LTBP1: variants seen among roughly 807,000 people sequenced by gnomAD.
LTBP1 encodes the protein latent-transforming growth factor beta-binding protein 1.
Under a neutral mutation model 207.6 loss-of-function variants are expected in LTBP1, and 129 were observed. The observed-to-expected ratio is 0.62, with a 90% CI of 0.54 to 0.72. LTBP1 has a LOEUF of 0.72. Ranked by LOEUF, LTBP1 falls within the 30% of genes least tolerant of loss-of-function variation. The pLI is 0.00. For synonymous variants in LTBP1, 963 were observed against 833.7 expected, an observed-to-expected ratio of 1.16 and a Z score of -2.67; for missense variants, 2,281 against 2,217.2, an observed-to-expected ratio of 1.03 and a Z score of -0.58.
At chr2:33,149,375 C>T (rs2083334844) in intron 5 of LTBP1, among the ~76,000 whole-genome samples, 1 of 151,924 alleles carries the variant, frequency 6.6e-6, no homozygotes, top group African/African-American at 2.4e-5. Context: ...TATCAGACAA[C>T]ATCTTAGACC....
chr2:33,179,453 C>CT (rs1029164879), intron 5 of LTBP1, among the ~76,000 whole-genome samples: 88 of 147,930 alleles, frequency 5.9e-4, no homozygotes, highest in Middle Eastern at 7.2e-3. Flanking sequence ...TGCATATATT[C>CT]TTAAAAAAAA....
Position 33,252,299 on chromosome 2 carries a change from A to G in LTBP1, c.2000-378A>G, listed in dbSNP as rs1259530267. On this transcript the variant is annotated intron_variant, in intron 10 of 33. Transcript: ENST00000404816. ...GATTATTCACTAAATGCTGCCCTAG[A>G]GTTATCTCTACTGTGGTTAAATATA... is the stretch of plus-strand genomic sequence containing the variant. 2.0e-5 allele frequency among the ~76,000 whole-genome samples: 3 copies of G among 152,178 alleles called. No homozygotes were observed. In the East Asian group the frequency reaches 5.8e-4, roughly 29 times the overall value.
chr2:33,047,686 C>T (rs549664489), intron 3 of LTBP1, among the ~76,000 whole-genome samples: 3 of 152,240 alleles, frequency 2.0e-5, no homozygotes, highest in South Asian at 2.1e-4. Flanking sequence ...TTTTCTGTCT[C>T]GTTGATCTGA....
At chr2:33,067,429 G>A (rs1167986246) in intron 3 of LTBP1, among the ~76,000 whole-genome samples, 1 of 152,132 alleles carries the variant, frequency 6.6e-6, no homozygotes, top group Non-Finnish European at 1.5e-5. Context: ...AATAAGAAAT[G>A]AGATCTCTGT....
At chr2:33,391,293 T>C (rs1026319782) in intron 32 of LTBP1, among the ~76,000 whole-genome samples, 2 of 129,448 alleles carry the variant, frequency 1.5e-5, no homozygotes, top group Non-Finnish European at 3.2e-5. Context: ...CCTAACACCA[T>C]AGATGAACAA....
intron 3 of LTBP1, among the ~76,000 whole-genome samples, chr2:33,064,376 A>G (rs1047922629): frequency 6.6e-6 from 1 of 152,204 alleles, no homozygotes; most frequent in African/African-American, 2.4e-5. Context: ...AGCCTCCCAC[A>G]GTTTCATGGA....
At chr2:33,013,280 C>A (rs1396075574) in intron 2 of LTBP1, among the ~76,000 whole-genome samples, 2 of 152,042 alleles carry the variant, frequency 1.3e-5, no homozygotes, top group African/African-American at 4.8e-5. Flanking sequence ...TGATGTATCT[C>A]CTTGTTTTAG....
intron 3 of LTBP1, among the ~76,000 whole-genome samples, chr2:33,022,196 T>G (rs2075204438): frequency 6.6e-6 from 1 of 152,030 alleles, no homozygotes; most frequent in Non-Finnish European, 1.5e-5. Flanking sequence ...TACTTCCCCT[T>G]CGAATAGACC....
intron 5 of LTBP1, among the ~76,000 whole-genome samples, chr2:33,161,564 G>T (rs1572917530): frequency 6.6e-6 from 1 of 152,184 alleles, no homozygotes; most frequent in African/African-American, 2.4e-5. Context: ...ACCACGCCCG[G>T]CCAGGAAGCT....
intron 2 of LTBP1, among the ~76,000 whole-genome samples, chr2:33,011,782 A>C (rs977486183): frequency 6.6e-5 from 10 of 151,984 alleles, no homozygotes; most frequent in African/African-American, 2.4e-4. Flanking sequence ...CATACTAGAC[A>C]CATATATTTA....
intron 31 of LTBP1, among the ~76,000 whole-genome samples, chr2:33,377,298 TAG>T (rs2095152747): frequency 6.6e-6 from 1 of 152,188 alleles, no homozygotes; most frequent in African/African-American, 2.4e-5. Context: ...GACTGCACTG[TAG>T]CATGAACTCT....
intron 2 of LTBP1, among the ~76,000 whole-genome samples, chr2:33,016,490 C>T (rs1688394098): frequency 6.6e-6 from 1 of 152,058 alleles, no homozygotes; most frequent in Admixed American, 6.5e-5. Context: ...AGCCTGGAGC[C>T]CTCCCCCGCT....
At chr2:33,258,094 G>A (rs1440471414) in intron 12 of LTBP1, among the ~76,000 whole-genome samples, 5 of 152,184 alleles carry the variant, frequency 3.3e-5, no homozygotes, top group African/African-American at 1.2e-4. Flanking sequence ...TGACCACGGA[G>A]CACCTTTTCC....
chr2:33,284,628 A>G (rs78082900), intron 19 of LTBP1, among the ~76,000 whole-genome samples: 2,221 of 152,280 alleles, frequency 0.015, 22 homozygotes, highest in East Asian at 0.025. Flanking sequence ...CAGGTACTCA[A>G]TTTACAGGTT....
chr2:33,398,067 G>A (rs111847997), intron 33 of LTBP1, among the ~76,000 whole-genome samples: 2,979 of 152,188 alleles, frequency 0.02, 83 homozygotes, highest in African/African-American at 0.068. Context: ...ATACCTATGG[G>A]AAGGAATTTG....
At chr2:33,174,338 C>G (rs1193820535) in intron 5 of LTBP1, among the ~76,000 whole-genome samples, 1 of 152,010 alleles carries the variant, frequency 6.6e-6, no homozygotes, top group African/African-American at 2.4e-5. Flanking sequence ...GTACAAAAAT[C>G]ACAAGCATTC....
intron 9 of LTBP1, among the ~76,000 whole-genome samples, chr2:33,239,952 T>C (rs901423546): frequency 6.6e-6 from 1 of 150,712 alleles, no homozygotes; most frequent in Non-Finnish European, 1.5e-5. Context: ...ATGAGACTCC[T>C]GAAACACTAT....
intron 24 of LTBP1, among the ~76,000 whole-genome samples, chr2:33,330,068 T>A (rs891171474): frequency 6.6e-6 from 1 of 152,082 alleles, no homozygotes; most frequent in African/African-American, 2.4e-5. Flanking sequence ...TGTTGGAGAT[T>A]TTTGTATAAA....
intron 2 of LTBP1, among the ~76,000 whole-genome samples, chr2:33,006,218 T>C (rs2149038114): frequency 6.6e-6 from 1 of 152,226 alleles, no homozygotes. Flanking sequence ...CCACTGCACC[T>C]GGCCTGCTCT....
Sources: allele counts gnomAD v4.1 joint callset (sites outside exome capture counted in the v4.1 genomes callset), GRCh38; gene constraint gnomAD v4.1.1; transcripts MANE v1.5; gene names NCBI Gene and HGNC (gene_info 2026-07-23, HGNC 2026-07-21).